Variants in ACAP2 observed in about 807,000 individuals in gnomAD.
ACAP2 encodes ArfGAP with coiled-coil, ankyrin repeat and PH domains 2.
ACAP2 carries 39 observed loss-of-function variants against 115.8 expected under a neutral mutation model. That is an observed-to-expected ratio of 0.34 (90% confidence interval 0.26 to 0.44). The LOEUF (loss-of-function observed/expected upper bound fraction) is 0.44, where lower values mean the gene tolerates loss of function less well. ACAP2 is among the 20% of genes least tolerant of loss of function. The pLI, the probability that ACAP2 is intolerant of heterozygous loss-of-function variation, is 1.00. For synonymous variants in ACAP2, 289 were observed against 315.8 expected, an observed-to-expected ratio of 0.92 and a Z score of 0.90; for missense variants, 662 against 927.6, an observed-to-expected ratio of 0.71 and a Z score of 3.72.
intron 1 of ACAP2, among the ~76,000 whole-genome samples, chr3:195,401,896 A>C (rs756211523): frequency 3.3e-5 from 5 of 152,148 alleles, no homozygotes; most frequent in African/African-American, 4.8e-5. Flanking sequence ...GTAAAGAGGA[A>C]GCTGAATACA....
At chr3:195,323,114 G>A (rs1577299228) in intron 9 of ACAP2, among the ~76,000 whole-genome samples, 1 of 152,270 alleles carries the variant, frequency 6.6e-6, no homozygotes, top group Non-Finnish European at 1.5e-5. Context: ...GGAACAGAAT[G>A]CAAAACCAAG....
chr3:195,326,422 G>C (rs960380031), intron 9 of ACAP2: 1 of 152,776 alleles, frequency 6.5e-6, no homozygotes, highest in African/African-American at 2.4e-5. Flanking sequence ...TGAAGTTTTA[G>C]CATCTCGTGA....
chr3:195,403,419 T>C (rs1050413534), intron 1 of ACAP2, among the ~76,000 whole-genome samples: 10 of 152,188 alleles, frequency 6.6e-5, no homozygotes, highest in African/African-American at 2.2e-4. Context: ...TCATTCTGGC[T>C]GCTACGTGGA....
chr3:195,402,988 A>G (rs893573383), intron 1 of ACAP2, among the ~76,000 whole-genome samples: 1 of 152,212 alleles, frequency 6.6e-6, no homozygotes, highest in Non-Finnish European at 1.5e-5. Context: ...ATCATCAATA[A>G]GTCAATTGGA....
intron 4 of ACAP2, among the ~76,000 whole-genome samples, chr3:195,379,865 C>A (rs78369739): frequency 0.023 from 3,543 of 152,170 alleles, 137 homozygotes; most frequent in African/African-American, 0.08. Flanking sequence ...ACACAAAAAA[C>A]CAGTAAGCAC....
intron 4 of ACAP2, among the ~76,000 whole-genome samples, chr3:195,365,788 G>T (rs551773518): frequency 1.3e-5 from 2 of 151,560 alleles, no homozygotes; most frequent in Non-Finnish European, 2.9e-5. Context: ...GGAATTGCTC[G>T]CAATATGTCA....
At chr3:195,432,501 T>C (rs1473371253) in intron 1 of ACAP2, among the ~76,000 whole-genome samples, 3 of 152,246 alleles carry the variant, frequency 2.0e-5, no homozygotes, top group African/African-American at 4.8e-5. Context: ...TCACCATAAA[T>C]GCAAGGCTTT....
chr3:195,429,383 A>C (rs1714934861), intron 1 of ACAP2, among the ~76,000 whole-genome samples: 1 of 151,844 alleles, frequency 6.6e-6, no homozygotes, highest in South Asian at 2.1e-4. Flanking sequence ...CATCTCAAAA[A>C]AAAAAAAAAA....
At chr3:195,389,206 C>T (rs188829949) in intron 2 of ACAP2, among the ~76,000 whole-genome samples, 2 of 152,134 alleles carry the variant, frequency 1.3e-5, no homozygotes, top group East Asian at 1.9e-4. Context: ...GTTCTTAGCA[C>T]TCAATGTCGA....
At chr3:195,359,029 A>G (rs1275986632) in intron 4 of ACAP2, among the ~76,000 whole-genome samples, 1 of 152,176 alleles carries the variant, frequency 6.6e-6, no homozygotes, top group East Asian at 1.9e-4. Flanking sequence ...GTAGCATGAC[A>G]TATTTAAAGT....
chr3:195,420,904 A>G (rs758997150), intron 1 of ACAP2, among the ~76,000 whole-genome samples: 3 of 152,188 alleles, frequency 2.0e-5, no homozygotes, highest in Non-Finnish European at 2.9e-5. Flanking sequence ...TCAGCCTTCC[A>G]AAGTGCTGGG....
intron 1 of ACAP2, among the ~76,000 whole-genome samples, chr3:195,437,592 G>A (rs945382771): frequency 2.0e-5 from 3 of 152,028 alleles, no homozygotes; most frequent in African/African-American, 7.2e-5. Context: ...GAAGCTGGTG[G>A]ATCACAAGGT....
At chr3:195,329,999 A>G (rs952210630) in intron 8 of ACAP2, among the ~76,000 whole-genome samples, 6 of 152,064 alleles carry the variant, frequency 3.9e-5, no homozygotes, top group South Asian at 2.1e-4. Context: ...TGTCTAGGCA[A>G]CTAGATTTTT....
intron 1 of ACAP2, among the ~76,000 whole-genome samples, chr3:195,409,227 A>C (rs1040778749): frequency 6.6e-6 from 1 of 152,226 alleles, no homozygotes; most frequent in Non-Finnish European, 1.5e-5. Context: ...GTTAGAATAA[A>C]TGAATTCCTC....
intron 9 of ACAP2, chr3:195,325,490 G>C (rs1348777544): frequency 2.5e-6 from 1 of 406,222 alleles, no homozygotes; most frequent in South Asian, 1.8e-5. Context: ...AAAGAGGTCA[G>C]TATTCATAAT....
intron 5 of ACAP2, among the ~76,000 whole-genome samples, chr3:195,343,835 G>A (rs1373709853): frequency 6.6e-6 from 1 of 152,176 alleles, no homozygotes; most frequent in Non-Finnish European, 1.5e-5. Context: ...TAAAGTATAT[G>A]TAAGAAAGAC....
At position 195,401,775 on chromosome 3, in the gene ACAP2, A is replaced by T. The variant is rs571804838; in HGVS notation, c.54-9628T>A. On this transcript the variant is annotated intron_variant, in intron 1 of 22. Transcript: ENST00000326793. ...AGAATCTTGAATGGGGAGAAAACTT[A>T]GTAAACTGCTAAATGACAGAACTAT... Among the ~76,000 whole-genome samples the T allele has an allele frequency of 2.6e-5, 4 of 152,366 alleles. No homozygotes were observed. The East Asian group carries it at 7.7e-4, about 29-fold the overall frequency.
intron 4 of ACAP2, among the ~76,000 whole-genome samples, chr3:195,368,267 A>T (rs1490181341): frequency 6.6e-6 from 1 of 152,128 alleles, no homozygotes; most frequent in Non-Finnish European, 1.5e-5. Flanking sequence ...CTTCTGCCTC[A>T]GCCTCCCAAG....
At chr3:195,342,395 T>C in intron 6 of ACAP2, 76 bp downstream of exon 6, 1 of 1,377,892 alleles carries the variant, frequency 7.3e-7, no homozygotes, top group South Asian at 1.5e-5. Context: ...TTATTCTTCT[T>C]AGGGCGATCA....
Sources: allele counts gnomAD v4.1 joint callset (sites outside exome capture counted in the v4.1 genomes callset), GRCh38; gene constraint gnomAD v4.1.1; transcripts MANE v1.5; gene names NCBI Gene and HGNC (gene_info 2026-07-23, HGNC 2026-07-21).